The following COL11A2 variants were observed in gnomAD, a reference collection of about 807,000 sequenced individuals.
The protein encoded by COL11A2 is collagen alpha-2(XI) chain.
Under a neutral mutation model 273.4 loss-of-function variants are expected in COL11A2, and 116 were observed. The observed-to-expected ratio is 0.42, with a 90% CI of 0.36 to 0.49. The LOEUF is 0.49. Ranked by LOEUF, COL11A2 falls within the 20% of genes least tolerant of loss-of-function variation. The pLI is 0.00. For synonymous variants in COL11A2, 782 were observed against 864.2 expected (o/e 0.90, Z 1.67); for missense variants, 1,866 against 2,309.0 (o/e 0.81, Z 3.93).
chr6:33,170,614 T>C lies in COL11A2; in HGVS notation c.3475-4A>G. The stretch of plus-strand genomic sequence containing the variant: ...CCCCAGAGGGGCCTGGCAAACCCTG[T>C]GCAAGTATACAAAACATGGGCCCAG... On this transcript the variant is annotated splice_polypyrimidine_tract_variant and splice_region_variant and intron_variant, in intron 46 of 65. Coordinates refer to ENST00000341947, the MANE Select transcript of COL11A2 (RefSeq NM_080680.3). This position sits in a 1 kb window ranked among gnomAD's most constrained non-coding sequence, Gnocchi z 4.3. 1.9e-6 allele frequency: 3 copies of C among 1,612,434 alleles called. No homozygotes were observed. The highest frequency in any genetic ancestry group is 2.5e-6 in the Non-Finnish European group (3 of 1,179,766).
chr6:33,175,512 C>T, intron 30 of COL11A2, 62 bp downstream of exon 30: 2 of 1,431,964 alleles, frequency 1.4e-6, no homozygotes, highest in Non-Finnish European at 2.0e-6. Context: ...GCACCCATGC[C>T]CATCCTGACC....
rs1212844692 is a variant in COL11A2 at position 33,179,416 on chromosome 6, A to T, written c.1503+15T>A. ...CAATTAAAGCATCCTCCACCCGAGC[A>T]CCCTGCTCACTCACCAAGGGTCCAG... On this transcript the variant is annotated intron_variant, in intron 14 of 65. Coordinates refer to ENST00000341947, the MANE Select transcript of COL11A2 (RefSeq NM_080680.3). The surrounding 1 kb of genome is among the most constrained non-coding windows in gnomAD (Gnocchi z 6.4). 6.4e-7 allele frequency: 1 copy of T among 1,568,148 alleles called. No individual in the cohort carries two copies. Among genetic ancestry groups the T allele is most frequent in the South Asian group, 1.2e-5 (1 of 85,356 alleles).
At position 33,176,769 on chromosome 6, in the gene COL11A2, G is replaced by A; in HGVS notation, c.2071-4C>T. 6.2e-7 allele frequency: 1 copy of A among 1,612,498 alleles called. No individual in the cohort carries two copies. Among genetic ancestry groups the A allele is most frequent in the Non-Finnish European group, 8.5e-7 (1 of 1,179,460 alleles). On this transcript the variant is annotated splice_polypyrimidine_tract_variant and splice_region_variant and intron_variant, in intron 25 of 65. Coordinates refer to ENST00000341947, the MANE Select transcript of COL11A2 (RefSeq NM_080680.3). This position sits in a 1 kb window ranked among gnomAD's most constrained non-coding sequence, Gnocchi z 4.9. Reference sequence around the variant, plus strand: ...GACCTTCCTTCCCTGGGTGACCCTGGGAGTAAGGGATAGAAAATGTGACCA... The same window carrying A: ...GACCTTCCTTCCCTGGGTGACCCTGAGAGTAAGGGATAGAAAATGTGACCA...
In COL11A2 at chr6:33,163,260, G is replaced by T. The variant is rs572241920; in HGVS notation, c.*418C>A. ...TGTGGGTGCCGGAGCCCACCCCCGA[G>T]ACCCCTGTCTTCAACATCTGCTGAT... On this transcript the variant is annotated 3_prime_UTR_variant, in exon 66 of 66. Coordinates refer to ENST00000341947, the MANE Select transcript of COL11A2 (RefSeq NM_080680.3). This position sits in a 1 kb window ranked among gnomAD's most constrained non-coding sequence, Gnocchi z 4.1. The T allele has an allele frequency of 2.8e-5, 6 of 215,324 alleles. No individual in the cohort carries two copies. The highest frequency in any genetic ancestry group is 4.7e-5 in the Non-Finnish European group (5 of 106,272). The allele number at this position is 215,324 out of a possible 1,614,324, so 13.3% of individuals were successfully genotyped here.
intron 4 of COL11A2, 112 bp downstream of exon 4, chr6:33,188,250 G>GAA: frequency 2.3e-6 from 3 of 1,297,924 alleles, no homozygotes; most frequent in Non-Finnish European, 2.2e-6. Flanking sequence ...AAATTCATAA[G>GAA]AAAAAAAAAT....
rs774305166 is a variant in COL11A2, at chr6:33,175,532, A to C, written c.2376+42T>G. On this transcript the variant is annotated intron_variant, in intron 30 of 65. Coordinates refer to ENST00000341947, the MANE Select transcript of COL11A2 (RefSeq NM_080680.3). ...CATGCCCATCCTGACCCCAGTGCCC[A>C]CACCCCCAGAGGACCCAGGCACAGA... 8 of 1,569,028 alleles carry C rather than the reference A, an allele frequency of 5.1e-6. No homozygotes were observed. The Admixed American group carries it at 6.7e-5, about 13-fold the overall frequency.
At chr6:33,187,128 C>G (rs1185642055) in intron 4 of COL11A2, among the ~76,000 whole-genome samples, 3 of 152,210 alleles carry the variant, frequency 2.0e-5, no homozygotes, top group Non-Finnish European at 4.4e-5. Context: ...GGACCAGATC[C>G]CAGGCCTTCC....
chr6:33,174,378 C>G, intron 31 of COL11A2, 149 bp downstream of exon 31: 1 of 1,351,160 alleles, frequency 7.4e-7, no homozygotes, highest in Non-Finnish European at 1.0e-6. Context: ...GCTCTCTGGG[C>G]CTCTTTCGGT....
At position 33,189,681 on chromosome 6, in the gene COL11A2, A is replaced by C. The variant is rs1163802321; in HGVS notation, c.83-212T>G. ...GCAGCATCAGCTGGCATTCAACCCCATGACACTCCTGCCCCTGTCTCTCCT... is the reference window on the plus strand; with the variant it reads ...GCAGCATCAGCTGGCATTCAACCCCCTGACACTCCTGCCCCTGTCTCTCCT... On this transcript the variant is annotated intron_variant, in intron 1 of 65. Transcript: ENST00000341947. This position sits in a 1 kb window ranked among gnomAD's most constrained non-coding sequence, Gnocchi z 5.6. Among the ~76,000 whole-genome samples, 1 of 152,100 alleles carries C rather than the reference A, an allele frequency of 6.6e-6. No individual in the cohort carries two copies. The highest frequency in any genetic ancestry group is 1.5e-5 in the Non-Finnish European group (1 of 68,000).
At position 33,185,061 on chromosome 6, in the gene COL11A2, C is replaced by T; in HGVS notation, c.877-7G>A. ...CTTCACCTGGGGTGGGGTCCTGACC[C>T]CAAGGAGAGAAGGAGAAGAGTAGCA... On this transcript the variant is annotated splice_region_variant and splice_polypyrimidine_tract_variant and intron_variant, in intron 6 of 65. Transcript: ENST00000341947. The T allele has an allele frequency of 6.5e-7, 1 of 1,549,578 alleles. No individual in the cohort carries two copies.
rs374898022 is a variant in COL11A2 at position 33,189,361 on chromosome 6, C to T, written c.191G>A (p.Arg64Gln). Residue 64 changes from arginine to glutamine, a missense_variant, in exon 2 of 66, where the codon CGA becomes CAA. Transcript: ENST00000341947. The surrounding 1 kb of genome is among the most constrained non-coding windows in gnomAD (Gnocchi z 5.6). ...CPADVAYRVA[R>Q]PAQLSAPTRQ... ...AGTGGGTGCACTGAGCTGGGCAGGT[C>T]GTGCCACTCGGTAGGCCACATCAGC... 2.7e-5 allele frequency: 43 copies of T among 1,613,438 alleles called. No homozygotes were observed. The East Asian group carries it at 4.9e-4, about 18-fold the overall frequency.
Position 33,185,748 on chromosome 6 carries a change from G to T in COL11A2, c.829C>A (p.Pro277Thr). 2 of 1,361,546 alleles carry T rather than the reference G, an allele frequency of 1.5e-6. No homozygotes were observed. The highest frequency in any genetic ancestry group is 2.0e-6 in the Non-Finnish European group (2 of 1,018,118). The allele number at this position is 1,361,546 out of a possible 1,614,324, so 84.3% of individuals were successfully genotyped here. A position where few individuals can be genotyped will look rare whatever the true frequency, so the allele number is the denominator to read the frequency against. The change falls in exon 6 of 66, where the codon CCC (proline) becomes ACC (threonine). Residue 277 changes from proline (P) to threonine (T), a missense_variant. Coordinates refer to ENST00000341947, the MANE Select transcript of COL11A2 (RefSeq NM_080680.3). ...PTESLYYDYE[P>T]PYYDVMTTGT... is the part of the protein sequence containing the mutation. Reference sequence around the variant, plus strand: ...GTAGTCATCACATCATAATAGGGGGGCTCGTAGTCATAGTAGAGAGACTCA... The same window carrying T: ...GTAGTCATCACATCATAATAGGGGGTCTCGTAGTCATAGTAGAGAGACTCA...
chr6:33,185,639 A>C, intron 6 of COL11A2, 62 bp downstream of exon 6: 1 of 707,202 alleles, frequency 1.4e-6, no homozygotes, highest in Non-Finnish European at 2.4e-6. Context: ...AAGGTGTCCT[A>C]GGAGATGATT....
intron 31 of COL11A2, 72 bp downstream of exon 31, chr6:33,174,455 T>C (rs1214510295): frequency 8.2e-6 from 13 of 1,576,864 alleles, no homozygotes; most frequent in African/African-American, 1.3e-5. Flanking sequence ...CTGTGCTTTC[T>C]GGAATCAGGG....
intron 43 of COL11A2, 56 bp downstream of exon 43, chr6:33,171,411 A>G: frequency 3.1e-6 from 5 of 1,607,776 alleles, no homozygotes; most frequent in Non-Finnish European, 4.3e-6. Flanking sequence ...GGTCATGCCC[A>G]GGTCAGCCAT....
rs767650251 is a variant in COL11A2, at chr6:33,164,440, C to G, written c.4897G>C (p.Gly1633Arg). ...SYVDSEGSPVGVVQLTFLRLL... is the reference protein window; with the variant it reads ...SYVDSEGSPVRVVQLTFLRLL... ...CGCAGGAAGGTGAGCTGGACCACAC[C>G]CACTGGGGAGCCCTCTGAGTCCACG... Residue 1633 changes from glycine to arginine, a missense_variant, in exon 65 of 66, where the codon GGT (glycine) becomes CGT (arginine). Transcript: ENST00000341947. The surrounding 1 kb of genome is among the most constrained non-coding windows in gnomAD (Gnocchi z 4.7). The G allele has an allele frequency of 6.3e-7, 1 of 1,581,202 alleles. No individual in the cohort carries two copies. Among genetic ancestry groups the G allele is most frequent in the South Asian group, 1.1e-5 (1 of 87,432 alleles).
intron 38 of COL11A2, 133 bp from the exon 39 acceptor site, chr6:33,172,770 C>T: frequency 2.3e-6 from 2 of 860,364 alleles, no homozygotes; most frequent in South Asian, 2.9e-5. Flanking sequence ...TGGGAAATTC[C>T]CCGGCATTCC....
chr6:33,169,868 G>A lies in COL11A2; in HGVS notation c.3653C>T (p.Ser1218Leu), dbSNP rs375065728. 7 of 1,613,960 alleles carry A rather than the reference G, an allele frequency of 4.3e-6. No homozygotes were observed. The highest frequency in any genetic ancestry group is 2.2e-5 in the South Asian group (2 of 91,078). ...PPGEKGEPGESGSPGIQGEPG... is the reference protein window; with the variant it reads ...PPGEKGEPGELGSPGIQGEPG... ...CTCGCCCTGGATCCCTGGAGATCCT[G>A]ACTCTCCTGGTTCCCCCTGCAAAGA... The change falls in exon 50 of 66, where the codon TCA (serine) becomes TTA (leucine). Residue 1218 changes from serine (S) to leucine (L), a missense_variant. Coordinates refer to ENST00000341947, the MANE Select transcript of COL11A2 (RefSeq NM_080680.3). This position sits in a 1 kb window ranked among gnomAD's most constrained non-coding sequence, Gnocchi z 5.5.
rs1397368233 is a variant in COL11A2 at position 33,169,822 on chromosome 6, G to A, written c.3690+9C>T. 1.9e-6 allele frequency: 3 copies of A among 1,614,066 alleles called. No individual in the cohort carries two copies. The South Asian group carries it at 3.3e-5, about 18-fold the overall frequency. Reference sequence around the variant, plus strand: ...GACTGGGGAGTAAGGCCTTGGAGCTGTCACTCACCTTGACACCTGGCTCGC... The same window carrying A: ...GACTGGGGAGTAAGGCCTTGGAGCTATCACTCACCTTGACACCTGGCTCGC... On this transcript the variant is annotated intron_variant, in intron 50 of 65. Transcript: ENST00000341947. The surrounding 1 kb of genome is among the most constrained non-coding windows in gnomAD (Gnocchi z 5.5).
Sources: gnomAD v4.1 joint callset for allele counts (sites outside exome capture counted in the v4.1 genomes callset) on GRCh38, gnomAD v4.1.1 for gene constraint, Gnocchi (gnomAD v3.1) non-coding constraint, MANE v1.5 for transcripts, NCBI Gene and HGNC (gene_info 2026-07-23, HGNC 2026-07-21) for gene names.